The following ANK3 variants were observed in gnomAD, a reference collection of about 807,000 sequenced individuals.
The protein encoded by ANK3 is ankyrin 3, also known as ankyrin-3.
In ANK3, 57 loss-of-function variants were observed where a neutral mutation model predicts 370.9. The observed-to-expected ratio is 0.15, with a 90% CI of 0.12 to 0.19. The LOEUF (loss-of-function observed/expected upper bound fraction) is 0.19, where lower values mean the gene tolerates loss of function less well. ANK3 is among the 10% of genes least tolerant of loss of function. The probability of loss-of-function intolerance (pLI) is 1.00; values close to 1 mark genes in which losing one functional copy is unlikely to be tolerated. For missense variants in ANK3, 4,439 were observed against 5,302.1 expected (o/e 0.84, Z 5.06); for synonymous variants, 1,929 against 1,946.3 (o/e 0.99, Z 0.23).
chr10:60,547,885 A>C (rs1356444399), intron 2 of ANK3, among the ~76,000 whole-genome samples: 1 of 152,230 alleles, frequency 6.6e-6, no homozygotes, highest in Non-Finnish European at 1.5e-5. Context: ...GGTTGTAGCC[A>C]TCTGGACATC....
At chr10:60,300,852 CT>C (rs1211383486) in intron 1 of ANK3, among the ~76,000 whole-genome samples, 1 of 152,034 alleles carries the variant, frequency 6.6e-6, no homozygotes, top group Non-Finnish European at 1.5e-5. Context: ...GCTTTTTAAA[CT>C]TTTAATTTCC....
chr10:60,240,068 T>TATATACACAC (rs1227547953), intron 7 of ANK3, among the ~76,000 whole-genome samples: 207 of 15,538 alleles, frequency 0.013, 5 homozygotes, highest in African/African-American at 0.027. Context: ...CATATATACA[T>TATATACACAC]ATATATACAT....
intron 2 of ANK3, among the ~76,000 whole-genome samples, chr10:60,531,417 A>T (rs1219507840): frequency 1.3e-5 from 2 of 152,146 alleles, no homozygotes. Flanking sequence ...CTCTGGAAAG[A>T]TACACAATTA....
At chr10:60,490,764 C>T (rs117884097) in intron 2 of ANK3, among the ~76,000 whole-genome samples, 3,680 of 152,260 alleles carry the variant, frequency 0.024, 81 homozygotes, top group Middle Eastern at 0.061. Flanking sequence ...CTTGCTATTG[C>T]CACCATTTCT....
At chr10:60,337,882 A>G (rs1482275935) in intron 1 of ANK3, among the ~76,000 whole-genome samples, 1 of 152,216 alleles carries the variant, frequency 6.6e-6, no homozygotes, top group Non-Finnish European at 1.5e-5. Context: ...AGCATTTTGT[A>G]TATGACTGGC....
At chr10:60,337,127 T>C (rs976201213) in intron 1 of ANK3, among the ~76,000 whole-genome samples, 13 of 152,174 alleles carry the variant, frequency 8.5e-5, no homozygotes, top group African/African-American at 2.9e-4. Flanking sequence ...GTGGGGACAC[T>C]AACAGATGGT....
chr10:60,667,220 A>AT (rs2079009456), intron 1 of ANK3, among the ~76,000 whole-genome samples: 1 of 69,540 alleles, frequency 1.4e-5, no homozygotes, highest in Non-Finnish European at 2.9e-5. Flanking sequence ...ATATTATATT[A>AT]ATTATATTGA....
At chr10:60,263,090 G>A (rs2097831959) in intron 6 of ANK3, among the ~76,000 whole-genome samples, 1 of 152,088 alleles carries the variant, frequency 6.6e-6, no homozygotes, top group African/African-American at 2.4e-5. Context: ...TGATGATGCA[G>A]ATATAGACTA....
chr10:60,175,630 C>A (rs371473515), intron 18 of ANK3, among the ~76,000 whole-genome samples: 1 of 151,440 alleles, frequency 6.6e-6, no homozygotes, highest in Non-Finnish European at 1.5e-5. Flanking sequence ...TCTTTAACAG[C>A]ATTCCTTCCT....
At chr10:60,446,794 G>T (rs1298487604) in intron 2 of ANK3, among the ~76,000 whole-genome samples, 1 of 151,984 alleles carries the variant, frequency 6.6e-6, no homozygotes, top group African/African-American at 2.4e-5. Context: ...CAAGACAAAT[G>T]GTCTCACCCA....
At chr10:60,216,980 C>T (rs1412364180) in intron 8 of ANK3, among the ~76,000 whole-genome samples, 1 of 152,116 alleles carries the variant, frequency 6.6e-6, no homozygotes, top group East Asian at 1.9e-4. Context: ...CAATATCTTC[C>T]TGGTTAATCT....
intron 2 of ANK3, among the ~76,000 whole-genome samples, chr10:60,564,523 G>T (rs1269158546): frequency 6.6e-6 from 1 of 152,184 alleles, no homozygotes; most frequent in Non-Finnish European, 1.5e-5. Flanking sequence ...TAGTAAGAGG[G>T]CATGGTGTGT....
chr10:60,556,285 T>G (rs2077205289), intron 2 of ANK3, among the ~76,000 whole-genome samples: 1 of 152,222 alleles, frequency 6.6e-6, no homozygotes. Context: ...CACCATCTAT[T>G]TTCCGGCCTG....
At chr10:60,305,768 C>CAGCAGCAGT (rs2044901771) in intron 1 of ANK3, among the ~76,000 whole-genome samples, 1 of 152,174 alleles carries the variant, frequency 6.6e-6, no homozygotes, top group South Asian at 2.1e-4. Context: ...TACTGTCACT[C>CAGCAGCAGT]ATCTCAAAGA....
intron 11 of ANK3, among the ~76,000 whole-genome samples, chr10:60,205,500 AG>A (rs1478424146): frequency 6.6e-6 from 1 of 152,206 alleles, no homozygotes; most frequent in African/African-American, 2.4e-5. Flanking sequence ...GAAGTACTAC[AG>A]TATAGGATTT....
chr10:60,107,175 TA>T (rs1429327971), intron 27 of ANK3, among the ~76,000 whole-genome samples: 3 of 152,168 alleles, frequency 2.0e-5, no homozygotes, highest in African/African-American at 7.2e-5. Context: ...AATTAAAGAT[TA>T]AAAAATAATT....
intron 2 of ANK3, among the ~76,000 whole-genome samples, chr10:60,604,067 C>G (rs1351011914): frequency 6.6e-6 from 1 of 152,078 alleles, no homozygotes; most frequent in Non-Finnish European, 1.5e-5. Flanking sequence ...TCAGCTAGAA[C>G]AAATCCTGAC....
At chr10:60,045,213 C>T (rs910835734) in intron 42 of ANK3, among the ~76,000 whole-genome samples, 14 of 152,198 alleles carry the variant, frequency 9.2e-5, no homozygotes, top group Admixed American at 9.2e-4. Flanking sequence ...CTGGCATTGA[C>T]AAAATTATCA....
intron 2 of ANK3, among the ~76,000 whole-genome samples, chr10:60,601,780 T>C (rs1028858076): frequency 1.1e-4 from 17 of 152,218 alleles, no homozygotes; most frequent in Non-Finnish European, 1.8e-4. Flanking sequence ...TAATAGAAGA[T>C]GTTTACAATA....
Sources: gnomAD v4.1 joint callset for allele counts (sites outside exome capture counted in the v4.1 genomes callset) on GRCh38, gnomAD v4.1.1 for gene constraint, MANE v1.5 for transcripts, NCBI Gene and HGNC (gene_info 2026-07-23, HGNC 2026-07-21) for gene names.